COLGALT1: variants seen among roughly 807,000 people sequenced by gnomAD.
COLGALT1 encodes the protein collagen beta(1-O)galactosyltransferase 1.
COLGALT1 carries 43 observed loss-of-function variants against 60.8 expected under a neutral mutation model. The ratio of observed to expected loss-of-function variants is 0.71; its 90% confidence interval spans 0.55 to 0.91. The LOEUF (loss-of-function observed/expected upper bound fraction) is 0.91, where lower values mean the gene tolerates loss of function less well. Among genes scored for constraint, COLGALT1 ranks in the 40% least tolerant of loss-of-function variants. The pLI, the probability that COLGALT1 is intolerant of heterozygous loss-of-function variation, is 0.00. For missense variants in COLGALT1, 845 were observed against 880.0 expected (o/e 0.96, Z 0.50); for synonymous variants, 369 against 374.2 (o/e 0.99, Z 0.16).
rs1233079857 is a variant in COLGALT1, at chr19:17,559,431, T to C, written c.371+10T>C. ...CAGCAGAGGAGCCCAGGTGAGCATC[T>C]TTCCCCTGCTCCTAGTCTGATTGGG... On this transcript the variant is annotated intron_variant, in intron 2 of 11. Transcript: ENST00000252599. The C allele has an allele frequency of 3.1e-5, 48 of 1,542,500 alleles. No homozygotes were observed. Among genetic ancestry groups the C allele is most frequent in the Admixed American group, 5.9e-5 (3 of 50,950 alleles).
intron 3 of COLGALT1, 125 bp downstream of exon 3, chr19:17,560,590 A>G: frequency 1.3e-6 from 1 of 760,502 alleles, no homozygotes; most frequent in Non-Finnish European, 2.3e-6. Context: ...TGAGGCTTAG[A>G]GAGGGGAGAT....
rs753526490 is a variant in COLGALT1, at chr19:17,572,606, A to G, written c.949+4A>G. 3.1e-6 allele frequency: 5 copies of G among 1,613,728 alleles called. No individual in the cohort carries two copies. The highest frequency in any genetic ancestry group is 4.2e-6 in the Non-Finnish European group (5 of 1,180,004). ...CATGTGCAGCTGGAGGTCATGGGTGAGTCTGCCTGCACACCGCCCTGGGAG... is the reference window on the plus strand; with the variant it reads ...CATGTGCAGCTGGAGGTCATGGGTGGGTCTGCCTGCACACCGCCCTGGGAG... On this transcript the variant is annotated splice_donor_region_variant and intron_variant, in intron 6 of 11. Transcript: ENST00000252599.
chr19:17,579,191 AAAG>A (rs1408643643), intron 9 of COLGALT1, among the ~76,000 whole-genome samples: 3 of 151,984 alleles, frequency 2.0e-5, no homozygotes, highest in Admixed American at 2.0e-4. Flanking sequence ...AAGAAAAAGA[AAAG>A]AAAAACTTGT....
At chr19:17,579,354 C>G (rs1381398538) in intron 9 of COLGALT1, 128 bp from the exon 10 acceptor site, 2 of 1,267,648 alleles carry the variant, frequency 1.6e-6, no homozygotes, top group Admixed American at 4.0e-5. Context: ...GTCCCTGGAG[C>G]TAGGAGAGGC....
Position 17,579,495 on chromosome 19 carries a change from G to C in COLGALT1, c.1280G>C (p.Gly427Ala). Residue 427 changes from glycine (G) to alanine (A), a missense_variant, in exon 10 of 12, where the codon GGG becomes GCG. Transcript: ENST00000252599. ...TTCCTCCCTCAGGTGGTGGACCGGG[G>C]GCTGCAGAAATCGCTTGTGTTTGAG... ...YNIWKEVVDRGLQKSLVFEDD... is the reference protein window; with the variant it reads ...YNIWKEVVDRALQKSLVFEDD... The C allele has an allele frequency of 1.2e-6, 2 of 1,614,114 alleles. No individual in the cohort carries two copies. The highest frequency in any genetic ancestry group is 3.3e-5 in the Admixed American group (2 of 60,006).
In COLGALT1 at chr19:17,578,109, C is replaced by T. The variant is rs770292990; in HGVS notation, c.1266+20C>T. Reference sequence around the variant, plus strand: ...AAGGAGGTGTGTCCTGAGTGATGGGCGGGGCCAGAGTTATGACTCTAGATC... The same window carrying T: ...AAGGAGGTGTGTCCTGAGTGATGGGTGGGGCCAGAGTTATGACTCTAGATC... On this transcript the variant is annotated intron_variant, in intron 9 of 11. Coordinates refer to ENST00000252599, the MANE Select transcript of COLGALT1 (RefSeq NM_024656.4). 2.3e-5 allele frequency: 36 copies of T among 1,580,770 alleles called. No homozygotes were observed. The highest frequency in any genetic ancestry group is 6.8e-5 in the South Asian group (6 of 88,742).
intron 7 of COLGALT1, 24 bp from the exon 8 acceptor site, chr19:17,577,337 G>C (rs931267039): frequency 1.4e-5 from 23 of 1,606,852 alleles, no homozygotes; most frequent in Admixed American, 6.8e-5. Flanking sequence ...GGGCTGATCT[G>C]GCTGGGGACT....
intron 5 of COLGALT1, among the ~76,000 whole-genome samples, chr19:17,570,469 C>G (rs1436795771): frequency 1.3e-5 from 2 of 151,988 alleles, no homozygotes; most frequent in African/African-American, 4.8e-5. Flanking sequence ...TAGACTTGAA[C>G]TCCTGGCCTT....
Position 17,567,559 on chromosome 19 carries a change from G to A in COLGALT1, c.624+19G>A. The A allele has an allele frequency of 6.2e-7, 1 of 1,608,040 alleles. No homozygotes were observed. The highest frequency in any genetic ancestry group is 2.2e-5 in the East Asian group (1 of 44,680). ...TTCCCAGGTAGAGTGAGGGCCTGGG[G>A]ACTGTGGGGACTGGGCTGAGCAGGG... On this transcript the variant is annotated intron_variant, in intron 4 of 11. Coordinates refer to ENST00000252599, the MANE Select transcript of COLGALT1 (RefSeq NM_024656.4).
At position 17,581,379 on chromosome 19, in the gene COLGALT1, C is replaced by G. The variant is rs535742636; in HGVS notation, c.1804C>G (p.Arg602Gly). ...QKMREQQALS[R>G]EAKNSDVLQS... The stretch of plus-strand genomic sequence containing the variant: ...GATGCGGGAGCAGCAGGCACTGAGC[C>G]GTGAGGCCAAGAACTCGGACGTGCT... Residue 602 changes from arginine to glycine, a missense_variant, in exon 12 of 12, where the codon CGT (arginine) becomes GGT (glycine). Coordinates refer to ENST00000252599, the MANE Select transcript of COLGALT1 (RefSeq NM_024656.4). 1.9e-6 allele frequency: 3 copies of G among 1,613,040 alleles called. No homozygotes were observed. The highest frequency in any genetic ancestry group is 3.3e-5 in the Admixed American group (2 of 60,010).
chr19:17,572,657 A>C, intron 6 of COLGALT1, 55 bp downstream of exon 6: 8 of 1,607,326 alleles, frequency 5.0e-6, no homozygotes, highest in Non-Finnish European at 6.8e-6. Context: ...CCTTTCACTG[A>C]TGTCTCAAAT....
At chr19:17,561,878 T>A (rs1414843802) in intron 3 of COLGALT1, among the ~76,000 whole-genome samples, 1 of 152,060 alleles carries the variant, frequency 6.6e-6, no homozygotes, top group Admixed American at 6.6e-5. Flanking sequence ...CTGATTTTCT[T>A]TTTTCTTGTT....
intron 11 of COLGALT1, 96 bp downstream of exon 11, chr19:17,581,001 C>T (rs1017424368): frequency 8.1e-6 from 12 of 1,478,354 alleles, no homozygotes; most frequent in Non-Finnish European, 1.1e-5. Flanking sequence ...GAAGATGTCT[C>T]TTCTTTTGCC....
At chr19:17,560,255 G>A in intron 2 of COLGALT1, 93 bp from the exon 3 acceptor site, 1 of 912,834 alleles carries the variant, frequency 1.1e-6, no homozygotes, top group Non-Finnish European at 1.8e-6. Flanking sequence ...CCTCCTCCAG[G>A]AAGCTCTCTC....
intron 3 of COLGALT1, among the ~76,000 whole-genome samples, chr19:17,567,169 A>C (rs2076284216): frequency 6.6e-6 from 1 of 152,090 alleles, no homozygotes; most frequent in Admixed American, 6.5e-5. Context: ...TTTATTTCTC[A>C]GGGCTATCTC....
chr19:17,577,291 G>A lies in COLGALT1; in HGVS notation c.1026+20G>A, dbSNP rs546793659. The A allele has an allele frequency of 6.2e-7, 1 of 1,612,626 alleles. No homozygotes were observed. The highest frequency in any genetic ancestry group is 1.3e-5 in the African/African-American group (1 of 74,928). The stretch of plus-strand genomic sequence containing the variant: ...GACGAGGTGAGCTGGGCCTTCCCTG[G>A]AGGCGGGGCGGGGGCTGGAGGGCCC... On this transcript the variant is annotated intron_variant, in intron 7 of 11. Coordinates refer to ENST00000252599, the MANE Select transcript of COLGALT1 (RefSeq NM_024656.4).
At chr19:17,574,813 G>C (rs2076332060) in intron 6 of COLGALT1, among the ~76,000 whole-genome samples, 1 of 152,160 alleles carries the variant, frequency 6.6e-6, no homozygotes. Context: ...AAGCGTCTCT[G>C]TGGCTACCAG....
Position 17,555,735 on chromosome 19 carries a change from G to A in COLGALT1, c.22G>A (p.Gly8Ser). 1 of 1,202,878 alleles carries A rather than the reference G, an allele frequency of 8.3e-7. No individual in the cohort carries two copies. Among genetic ancestry groups the A allele is most frequent in the Non-Finnish European group, 1.0e-6 (1 of 970,190 alleles). The allele number at this position is 1,202,878 out of a possible 1,614,324, so 74.5% of individuals were successfully genotyped here. A position where few individuals can be genotyped will look rare whatever the true frequency, so the allele number is the denominator to read the frequency against. ...CGCGATGGCGGCGGCCCCACGCGCGGGCCGGCGGCGCGGGCAGCCGCTCCT... is the reference window on the plus strand; with the variant it reads ...CGCGATGGCGGCGGCCCCACGCGCGAGCCGGCGGCGCGGGCAGCCGCTCCT... MAAAPRAGRRRGQPLLAL... is the reference protein window; with the variant it reads MAAAPRASRRRGQPLLAL... The change falls in exon 1 of 12, where the codon GGC (glycine) becomes AGC (serine). Residue 8 changes from glycine (G) to serine (S), a missense_variant. Physicochemically the swap from Gly to Ser is moderately conservative, Grantham distance 56. Transcript: ENST00000252599.
intron 4 of COLGALT1, among the ~76,000 whole-genome samples, chr19:17,568,057 C>T (rs973850829): frequency 2.0e-5 from 3 of 152,098 alleles, no homozygotes; most frequent in African/African-American, 7.2e-5. Context: ...CATGCTATTC[C>T]AGAGGTGGAA....
Sources: allele counts gnomAD v4.1 joint callset (sites outside exome capture counted in the v4.1 genomes callset), GRCh38; gene constraint gnomAD v4.1.1; transcripts MANE v1.5; gene names NCBI Gene and HGNC (gene_info 2026-07-23, HGNC 2026-07-21).